The following RSPH9 variants were observed in gnomAD, a reference collection of about 807,000 sequenced individuals.
RSPH9 encodes radial spoke head component 9, also known as radial spoke head protein 9 homolog.
In RSPH9, 27 loss-of-function variants were observed where a neutral mutation model predicts 27.0. The ratio of observed to expected loss-of-function variants is 1.00; its 90% CI spans 0.74 to 1.38. RSPH9 has a LOEUF of 1.38. Among genes scored for constraint, RSPH9 ranks in the 40% most tolerant of loss-of-function variants. The probability of loss-of-function intolerance (pLI) is 0.00; values close to 1 mark genes in which losing one functional copy is unlikely to be tolerated. For missense variants in RSPH9, 347 were observed against 357.4 expected, an observed-to-expected ratio of 0.97 and a Z score of 0.24; for synonymous variants, 145 against 147.7, an observed-to-expected ratio of 0.98 and a Z score of 0.13.
At chr6:43,647,516 T>G (rs1447420187) in intron 1 of RSPH9, among the ~76,000 whole-genome samples, 1 of 152,170 alleles carries the variant, frequency 6.6e-6, no homozygotes, top group Non-Finnish European at 1.5e-5. Flanking sequence ...TCAGGACATG[T>G]AACTCATTGA....
intron 3 of RSPH9, 70 bp from the exon 4 acceptor site, chr6:43,656,507 A>G (rs1482327131): frequency 6.4e-7 from 1 of 1,559,270 alleles, no homozygotes; most frequent in African/African-American, 1.4e-5. Flanking sequence ...ATGTGGTCCC[A>G]GTGCAGACAG....
chr6:43,670,983 T>C lies in RSPH9; in HGVS notation c.*34T>C, dbSNP rs1301352730. On this transcript the variant is annotated 3_prime_UTR_variant, in exon 5 of 5. Coordinates refer to ENST00000372163, the MANE Select transcript of RSPH9 (RefSeq NM_152732.5). The stretch of plus-strand genomic sequence containing the variant: ...CCAGCCTGGATGTTTTTAAACAGAG[T>C]CTAAACATGATTTTCTTAAGCTTCA... 6 of 1,613,318 alleles carry C rather than the reference T, an allele frequency of 3.7e-6. No individual in the cohort carries two copies. The Admixed American group carries it at 5.0e-5, about 13-fold the overall frequency.
Position 43,672,015 on chromosome 6 carries a change from CTTTCACCA to C in RSPH9, c.*1067_*1074del. The C allele has an allele frequency of 7.8e-7, 1 of 1,276,192 alleles. No individual in the cohort carries two copies. The highest frequency in any genetic ancestry group is 1.1e-6 in the Non-Finnish European group (1 of 946,734). The allele number at this position is 1,276,192 out of a possible 1,614,324, so 79.1% of individuals were successfully genotyped here. On this transcript the variant is annotated 3_prime_UTR_variant, in exon 5 of 5. Transcript: ENST00000372163. ...CAGGCCACGGTTGGGCAAGCAAATC[CTTTCACCA>C]GTTTCCCTTTCCTGAAGTGCAGGGA...
rs1773671127 is a variant in RSPH9 at position 43,671,031 on chromosome 6, G to A, written c.*82G>A. ...TCAGTGAACTTGGCCTGCCTGTTCTGTCCTATCTTCTTAACTCCACCTCCG... is the reference window on the plus strand; with the variant it reads ...TCAGTGAACTTGGCCTGCCTGTTCTATCCTATCTTCTTAACTCCACCTCCG... On this transcript the variant is annotated 3_prime_UTR_variant, in exon 5 of 5. Transcript: ENST00000372163. The A allele has an allele frequency of 1.3e-6, 2 of 1,534,870 alleles. No individual in the cohort carries two copies. Among genetic ancestry groups the A allele is most frequent in the Non-Finnish European group, 8.9e-7 (1 of 1,118,442 alleles).
rs1773751788 is a variant in RSPH9 at position 43,672,178 on chromosome 6, GGT to G, written c.*1236_*1237del. 1 of 540,838 alleles carries G rather than the reference GGT, an allele frequency of 1.8e-6. No homozygotes were observed. The highest frequency in any genetic ancestry group is 2.1e-5 in the South Asian group (1 of 48,140). The allele number at this position is 540,838 out of a possible 1,614,324, so 33.5% of individuals were successfully genotyped here. On this transcript the variant is annotated 3_prime_UTR_variant, in exon 5 of 5. Coordinates refer to ENST00000372163, the MANE Select transcript of RSPH9 (RefSeq NM_152732.5). Reference sequence around the variant, plus strand: ...CTTGATCTTTGTAAATGTCAATGTTGGTGTGTGTTTGCTGAGGAAAAGGTGGC... The same window carrying G: ...CTTGATCTTTGTAAATGTCAATGTTGGTGTGTTTGCTGAGGAAAAGGTGGC...
In RSPH9 at chr6:43,672,263, G is replaced by A. The variant is rs1395684253; in HGVS notation, c.*1314G>A. ...TCTGGCCTCAGCCATGGGGCGAGAA[G>A]AGCTGATGTAAGGCTCTGGAGGAAC... On this transcript the variant is annotated 3_prime_UTR_variant, in exon 5 of 5. Coordinates refer to ENST00000372163, the MANE Select transcript of RSPH9 (RefSeq NM_152732.5). The A allele has an allele frequency of 2.3e-6, 1 of 437,508 alleles. No homozygotes were observed. Among genetic ancestry groups the A allele is most frequent in the Non-Finnish European group, 4.7e-6 (1 of 212,368 alleles). 27.1% of individuals were successfully genotyped at this position (437,508 alleles called of 1,614,324 possible).
At chr6:43,668,466 G>A (rs1773375112) in intron 4 of RSPH9, among the ~76,000 whole-genome samples, 1 of 152,020 alleles carries the variant, frequency 6.6e-6, no homozygotes, top group Non-Finnish European at 1.5e-5. Flanking sequence ...TGCCAGGCGG[G>A]GGCACTGTAT....
At chr6:43,664,226 G>GATT (rs1346992529) in intron 4 of RSPH9, among the ~76,000 whole-genome samples, 1 of 151,294 alleles carries the variant, frequency 6.6e-6, no homozygotes, top group African/African-American at 2.4e-5. Flanking sequence ...TGATGATGAT[G>GATT]ATTATTTTGA....
intron 4 of RSPH9, among the ~76,000 whole-genome samples, chr6:43,669,309 G>T (rs975119112): frequency 6.6e-6 from 1 of 152,224 alleles, no homozygotes; most frequent in Admixed American, 6.5e-5. Context: ...AGCAGGACCA[G>T]GGACAGCCAA....
intron 2 of RSPH9, among the ~76,000 whole-genome samples, chr6:43,652,406 G>A (rs918904640): frequency 5.3e-5 from 8 of 150,830 alleles, no homozygotes; most frequent in Admixed American, 4.6e-4. Flanking sequence ...TTCTATATCA[G>A]TGTCTTAAAG....
At chr6:43,659,461 C>T (rs913817967) in intron 4 of RSPH9, among the ~76,000 whole-genome samples, 1 of 151,472 alleles carries the variant, frequency 6.6e-6, no homozygotes, top group African/African-American at 2.4e-5. Context: ...CGGCTCACTG[C>T]AAGCTCCGCC....
chr6:43,652,352 C>T (rs531875153), intron 2 of RSPH9, among the ~76,000 whole-genome samples: 1 of 150,302 alleles, frequency 6.7e-6, no homozygotes, highest in African/African-American at 2.4e-5. Context: ...ACACATGATT[C>T]TGAACCTTGC....
chr6:43,669,090 A>T (rs1213198687), intron 4 of RSPH9, among the ~76,000 whole-genome samples: 1 of 152,140 alleles, frequency 6.6e-6, no homozygotes, highest in Non-Finnish European at 1.5e-5. Flanking sequence ...CCCAGAGAAA[A>T]GTTTTAAGAG....
At chr6:43,657,193 A>G (rs1356782452) in intron 4 of RSPH9, among the ~76,000 whole-genome samples, 2 of 152,186 alleles carry the variant, frequency 1.3e-5, no homozygotes, top group Non-Finnish European at 2.9e-5. Context: ...GACCCAATTC[A>G]GGTTCTAGGC....
rs1323795212 is a variant in RSPH9 at position 43,656,601 on chromosome 6, A to G, written c.548A>G (p.Lys183Arg). 6 of 1,614,082 alleles carry G rather than the reference A, an allele frequency of 3.7e-6. No homozygotes were observed. In the South Asian group the frequency reaches 6.6e-5, roughly 18 times the overall value. ...GGACTGTCCTTGTCTGAGGCCAAGAAGCTCAGCTCCTACTTCCATTTCAGG... is the reference window on the plus strand; with the variant it reads ...GGACTGTCCTTGTCTGAGGCCAAGAGGCTCAGCTCCTACTTCCATTTCAGG... ...FEGLSLSEAK[K>R]LSSYFHFREP... Residue 183 changes from lysine (K) to arginine (R), a missense_variant, in exon 4 of 5, where the codon AAG (lysine) becomes AGG (arginine). Transcript: ENST00000372163.
At chr6:43,654,090 A>G (rs1019751390) in intron 2 of RSPH9, among the ~76,000 whole-genome samples, 4 of 152,214 alleles carry the variant, frequency 2.6e-5, no homozygotes, top group South Asian at 4.1e-4. Flanking sequence ...ATTTAAAGAC[A>G]CTGGCCTCAG....
At position 43,672,107 on chromosome 6, in the gene RSPH9, G is replaced by A. The variant is rs1188099117; in HGVS notation, c.*1158G>A. ...ACAGATGGGCTGGGCTCTTGCTGCC[G>A]CAAGCCTGTGTGGCCAGGTTCAGGC... is the stretch of plus-strand genomic sequence containing the variant. On this transcript the variant is annotated 3_prime_UTR_variant, in exon 5 of 5. Transcript: ENST00000372163. 2.0e-5 allele frequency: 13 copies of A among 650,398 alleles called. No homozygotes were observed. Among genetic ancestry groups the A allele is most frequent in the South Asian group, 1.0e-4 (5 of 50,092 alleles). 40.3% of individuals were successfully genotyped at this position (650,398 alleles called of 1,614,324 possible).
In RSPH9 at chr6:43,671,189, C is replaced by T; in HGVS notation, c.*240C>T. Reference sequence around the variant, plus strand: ...TGGAAATGGCTGTGGGAGAAGGTGACAACCAGGGCCCCTTTGAGGAACGCA... The same window carrying T: ...TGGAAATGGCTGTGGGAGAAGGTGATAACCAGGGCCCCTTTGAGGAACGCA... On this transcript the variant is annotated 3_prime_UTR_variant, in exon 5 of 5. Coordinates refer to ENST00000372163, the MANE Select transcript of RSPH9 (RefSeq NM_152732.5). 1.7e-6 allele frequency: 1 copy of T among 594,892 alleles called. No individual in the cohort carries two copies. The highest frequency in any genetic ancestry group is 2.8e-5 in the East Asian group (1 of 35,676). 36.9% of individuals were successfully genotyped at this position (594,892 alleles called of 1,614,324 possible).
At chr6:43,666,177 G>C (rs1373325825) in intron 4 of RSPH9, among the ~76,000 whole-genome samples, 2 of 152,210 alleles carry the variant, frequency 1.3e-5, no homozygotes, top group African/African-American at 4.8e-5. Context: ...GCGATGGAGT[G>C]GAAGTGTGGA....
Sources: allele counts gnomAD v4.1 joint callset (sites outside exome capture counted in the v4.1 genomes callset), GRCh38; gene constraint gnomAD v4.1.1; transcripts MANE v1.5; gene names NCBI Gene and HGNC (gene_info 2026-07-23, HGNC 2026-07-21).